Variants in DCAF5 observed in about 807,000 individuals in gnomAD.
DCAF5 encodes the protein DDB1- and CUL4-associated factor 5.
A neutral mutation model predicts 80.7 loss-of-function variants in DCAF5; 9 were observed. That is an observed-to-expected ratio of 0.11 (90% CI 0.07 to 0.19). The LOEUF (loss-of-function observed/expected upper bound fraction) is 0.19, where lower values mean the gene tolerates loss of function less well. Ranked by LOEUF, DCAF5 falls within the 10% of genes least tolerant of loss-of-function variation. The pLI, the probability that DCAF5 is intolerant of heterozygous loss-of-function variation, is 1.00. For synonymous variants in DCAF5, 433 were observed against 461.9 expected (o/e 0.94, Z 0.80); for missense variants, 842 against 1,205.7 (o/e 0.70, Z 4.47).
chr14:69,068,631 G>C (rs1259327770), intron 7 of DCAF5, among the ~76,000 whole-genome samples: 1 of 148,384 alleles, frequency 6.7e-6, no homozygotes, highest in Non-Finnish European at 1.5e-5. Context: ...CTAGGAGACA[G>C]AAGTTGCGGT....
intron 2 of DCAF5, among the ~76,000 whole-genome samples, chr14:69,120,312 C>T (rs1429000670): frequency 6.6e-6 from 1 of 152,074 alleles, no homozygotes; most frequent in African/African-American, 2.4e-5. Flanking sequence ...GTTGCCCAGG[C>T]TGGTCTCAAA....
At chr14:69,108,807 T>G (rs1595013470) in intron 5 of DCAF5, among the ~76,000 whole-genome samples, 1 of 152,272 alleles carries the variant, frequency 6.6e-6, no homozygotes, top group East Asian at 1.9e-4. Flanking sequence ...TGCCCCCGAC[T>G]AAAGCTAATC....
chr14:69,079,633 A>C (rs577620585), intron 6 of DCAF5, among the ~76,000 whole-genome samples: 2 of 152,330 alleles, frequency 1.3e-5, no homozygotes, highest in Admixed American at 1.3e-4. Flanking sequence ...GACAGAAATA[A>C]AAGTGAGGTC....
chr14:69,125,725 T>C (rs955729442), intron 1 of DCAF5, among the ~76,000 whole-genome samples: 3 of 152,050 alleles, frequency 2.0e-5, no homozygotes, highest in Non-Finnish European at 2.9e-5. Context: ...CTAAACACAA[T>C]GGAACATCAT....
rs902606285 is a variant in DCAF5 at position 69,116,241 on chromosome 14, T to C, written c.665+125A>G. ...CTCTCCTGGCTTGAGAGACACTATA[T>C]ATCTTAAGAAATGCCCAGCAGAGAT... On this transcript the variant is annotated intron_variant, in intron 5 of 8. Transcript: ENST00000341516. 1.6e-5 allele frequency: 19 copies of C among 1,166,574 alleles called. No homozygotes were observed. In the South Asian group the frequency reaches 1.6e-4, roughly 10 times the overall value. 72.3% of individuals were successfully genotyped at this position (1,166,574 alleles called of 1,614,324 possible). A position where few individuals can be genotyped will look rare whatever the true frequency, so the allele number is the denominator to read the frequency against.
At chr14:69,085,194 T>A in intron 6 of DCAF5, 1 of 726,424 alleles carries the variant, frequency 1.4e-6, no homozygotes, top group Non-Finnish European at 2.6e-6. Flanking sequence ...ATAACTTAAA[T>A]TTGCCTCAAG....
intron 5 of DCAF5, among the ~76,000 whole-genome samples, chr14:69,114,022 T>A (rs2040459440): frequency 6.6e-6 from 1 of 152,154 alleles, no homozygotes; most frequent in South Asian, 2.1e-4. Context: ...ACCTTACCCA[T>A]AATTGAAGAA....
chr14:69,131,409 G>T (rs1355066880), intron 1 of DCAF5, among the ~76,000 whole-genome samples: 3 of 151,942 alleles, frequency 2.0e-5, no homozygotes, highest in African/African-American at 7.2e-5. Context: ...AAACTGCAGC[G>T]CATTACAGAG....
At chr14:69,080,936 A>AT (rs908318796) in intron 6 of DCAF5, among the ~76,000 whole-genome samples, 14 of 151,866 alleles carry the variant, frequency 9.2e-5, no homozygotes, top group African/African-American at 3.1e-4. Context: ...TCTCTAAGTT[A>AT]TTTTTTTTAA....
Position 69,152,842 on chromosome 14 carries a change from T to C in DCAF5, c.137A>G (p.Lys46Arg). Residue 46 changes from lysine to arginine, a missense_variant, in exon 1 of 9, where the codon AAG becomes AGG. Transcript: ENST00000341516. The surrounding 1 kb of genome is among the most constrained non-coding windows in gnomAD (Gnocchi z 4.1). Reference protein sequence around the residue: ...RRLRGCRNLYKKDLLGHFGCV... With the variant: ...RRLRGCRNLYRKDLLGHFGCV... ...GCCGAAGTGGCCGAGGAGGTCCTTCTTGTAGAGGTTTCTGCAGCCCCGCAG... is the reference window on the plus strand; with the variant it reads ...GCCGAAGTGGCCGAGGAGGTCCTTCCTGTAGAGGTTTCTGCAGCCCCGCAG... 1 of 1,614,140 alleles carries C rather than the reference T, an allele frequency of 6.2e-7. No individual in the cohort carries two copies. The highest frequency in any genetic ancestry group is 1.1e-5 in the South Asian group (1 of 91,078).
Position 69,053,728 on chromosome 14 carries a change from G to T in DCAF5, c.*129C>A. The T allele has an allele frequency of 1.2e-6, 1 of 845,210 alleles. No individual in the cohort carries two copies. Among genetic ancestry groups the T allele is most frequent in the Non-Finnish European group, 1.8e-6 (1 of 566,288 alleles). The allele number at this position is 845,210 out of a possible 1,614,324, so 52.4% of individuals were successfully genotyped here. ...TGTTGGATAGAAGGGAGCAGCATCAGACACAAAATTTCAGGCCCTGGTTTC... is the reference window on the plus strand; with the variant it reads ...TGTTGGATAGAAGGGAGCAGCATCATACACAAAATTTCAGGCCCTGGTTTC... On this transcript the variant is annotated 3_prime_UTR_variant, in exon 9 of 9. Transcript: ENST00000341516.
At chr14:69,058,987 A>G (rs2038097107) in intron 8 of DCAF5, among the ~76,000 whole-genome samples, 1 of 152,218 alleles carries the variant, frequency 6.6e-6, no homozygotes, top group Non-Finnish European at 1.5e-5. Flanking sequence ...AGTTTAGCTT[A>G]AGGGGCTGCT....
intron 6 of DCAF5, chr14:69,085,402 C>A (rs905581721): frequency 3.7e-6 from 2 of 543,002 alleles, no homozygotes; most frequent in Non-Finnish European, 7.0e-6. Flanking sequence ...ACATGCCTTT[C>A]TTTCATCTTG....
At chr14:69,069,578 C>T (rs977440382) in intron 7 of DCAF5, among the ~76,000 whole-genome samples, 14 of 152,296 alleles carry the variant, frequency 9.2e-5, no homozygotes, top group African/African-American at 3.1e-4. Context: ...GGACTACAGG[C>T]ATATGCCACC....
chr14:69,057,138 A>G (rs1171151930), intron 8 of DCAF5, among the ~76,000 whole-genome samples: 1 of 152,200 alleles, frequency 6.6e-6, no homozygotes, highest in Non-Finnish European at 1.5e-5. Flanking sequence ...GGGATGAGTA[A>G]GTAGGGAGAT....
At chr14:69,140,244 G>A (rs891649506) in intron 1 of DCAF5, among the ~76,000 whole-genome samples, 6 of 151,918 alleles carry the variant, frequency 3.9e-5, no homozygotes, top group Admixed American at 2.0e-4. Flanking sequence ...TCCAGCCTGG[G>A]CGACAGAATG....
Position 69,099,174 on chromosome 14 carries a change from C to T in DCAF5, c.666-7287G>A, listed in dbSNP as rs568398419. On this transcript the variant is annotated intron_variant, in intron 5 of 8. Transcript: ENST00000341516. ...GGCTGAGGCAAAAGAATCGCTTGAACCTGGGAGGCGGAGGTTGCAGTGAGC... is the reference window on the plus strand; with the variant it reads ...GGCTGAGGCAAAAGAATCGCTTGAATCTGGGAGGCGGAGGTTGCAGTGAGC... 3.9e-3 allele frequency among the ~76,000 whole-genome samples: 589 copies of T among 149,636 alleles called. 6 individuals are homozygous for T. The highest frequency in any genetic ancestry group is 0.014 in the African/African-American group (568 of 40,844).
intron 1 of DCAF5, among the ~76,000 whole-genome samples, chr14:69,125,634 A>G (rs1427720161): frequency 1.3e-5 from 2 of 152,230 alleles, no homozygotes; most frequent in Non-Finnish European, 2.9e-5. Context: ...TGGTCATAAT[A>G]TCAAGAAAAC....
At chr14:69,132,636 A>C (rs1355292279) in intron 1 of DCAF5, among the ~76,000 whole-genome samples, 2 of 152,176 alleles carry the variant, frequency 1.3e-5, no homozygotes, top group Non-Finnish European at 1.5e-5. Context: ...ACCTACAAAA[A>C]CATTAAGAGC....
Sources: allele counts gnomAD v4.1 joint callset (sites outside exome capture counted in the v4.1 genomes callset), GRCh38; gene constraint gnomAD v4.1.1; non-coding constraint Gnocchi (gnomAD v3.1); transcripts MANE v1.5; gene names NCBI Gene and HGNC (gene_info 2026-07-23, HGNC 2026-07-21).